The following ACCSL variants were observed in gnomAD, a reference collection of about 807,000 sequenced individuals.
ACCSL encodes 1-aminocyclopropane-1-carboxylate synthase homolog (inactive) like.
A neutral mutation model predicts 61.7 loss-of-function variants in ACCSL; 55 were observed. That is an observed-to-expected ratio of 0.89 (90% CI 0.72 to 1.12). The LOEUF is 1.12. Among genes scored for constraint, ACCSL ranks in the 50% most tolerant of loss-of-function variants. ACCSL has a pLI of 0.00. For missense variants in ACCSL, 632 were observed against 698.0 expected, an observed-to-expected ratio of 0.91 and a Z score of 1.07; for synonymous variants, 258 against 264.3, an observed-to-expected ratio of 0.98 and a Z score of 0.23.
chr11:43,957,367 T>C, the ACCSL span, among the ~76,000 whole-genome samples: 10 of 150,970 alleles, frequency 6.6e-5, no homozygotes, highest in Non-Finnish European at 1.3e-4. Flanking sequence ...TGATTGGTAA[T>C]TGGTTAAAAG....
the ACCSL span, among the ~76,000 whole-genome samples, chr11:43,937,094 T>C: frequency 6.6e-6 from 1 of 151,920 alleles, no homozygotes; most frequent in Non-Finnish European, 1.5e-5. Flanking sequence ...GAATTTGGGG[T>C]CCAGAGGAGC....
In ACCSL at chr11:44,048,047, G is replaced by A. The variant is rs370567159; in HGVS notation, c.11G>A (p.Arg4Gln). MSH[R>Q]SDTLPVPSGQ... ...AAAGATACCCGGAGTATGAGTCATC[G>A]GTCAGACACCCTTCCTGTGCCCTCT... Residue 4 changes from arginine (R) to glutamine (Q), a missense_variant, in exon 1 of 14, where the codon CGG (arginine) becomes CAG (glutamine). Physicochemically the swap from Arg to Gln is conservative, Grantham distance 43. Coordinates refer to ENST00000378832, the MANE Select transcript of ACCSL (RefSeq NM_001031854.2). 2.5e-5 allele frequency: 40 copies of A among 1,608,306 alleles called. 1 individual carries two copies. Among genetic ancestry groups the A allele is most frequent in the Middle Eastern group, 1.6e-4 (1 of 6,064 alleles).
At chr11:44,040,942 C>G in the ACCSL span, among the ~76,000 whole-genome samples, 44 of 152,280 alleles carry the variant, frequency 2.9e-4, no homozygotes, top group African/African-American at 9.9e-4. Flanking sequence ...CCCCTTTCCA[C>G]GTCCTACTCG....
the ACCSL span, chr11:43,942,962 C>T: frequency 6.7e-7 from 1 of 1,485,104 alleles, no homozygotes; most frequent in South Asian, 1.3e-5. Context: ...GGCGGTGATG[C>T]CGCACTTCGT....
At chr11:44,030,084 T>TTTTTTTTTTTTTTTTTTA in the ACCSL span, among the ~76,000 whole-genome samples, 2 of 131,662 alleles carry the variant, frequency 1.5e-5, no homozygotes, top group African/African-American at 2.8e-5. Flanking sequence ...TTTTTTTTTT[T>TTTTTTTTTTTTTTTTTTA]AGTATAAAGG....
At chr11:43,973,427 TA>T in the ACCSL span, among the ~76,000 whole-genome samples, 1 of 141,364 alleles carries the variant, frequency 7.1e-6, no homozygotes, top group Non-Finnish European at 1.5e-5. Flanking sequence ...TCTATCTATC[TA>T]TCTATCTATC....
At position 44,053,509 on chromosome 11, in the gene ACCSL, A is replaced by G; in HGVS notation, c.1049+3A>G. 1 of 1,611,292 alleles carries G rather than the reference A, an allele frequency of 6.2e-7. No homozygotes were observed. Among genetic ancestry groups the G allele is most frequent in the Non-Finnish European group, 8.5e-7 (1 of 1,177,358 alleles). On this transcript the variant is annotated splice_donor_region_variant and intron_variant, in intron 8 of 13. Transcript: ENST00000378832. Reference sequence around the variant, plus strand: ...AAATACCTGGAATTTGCCAAGAGGTATGAGTTCTACCCCTTGAGACTAGGT... The same window carrying G: ...AAATACCTGGAATTTGCCAAGAGGTGTGAGTTCTACCCCTTGAGACTAGGT...
the ACCSL span, among the ~76,000 whole-genome samples, chr11:44,006,243 G>A: frequency 1.3e-5 from 2 of 152,292 alleles, no homozygotes; most frequent in East Asian, 3.9e-4. Context: ...CTTGGAGTCT[G>A]GGTGATCTGG....
the ACCSL span, among the ~76,000 whole-genome samples, chr11:43,976,462 C>T: frequency 2.6e-5 from 4 of 152,172 alleles, no homozygotes; most frequent in South Asian, 6.2e-4. Context: ...AACAAAACTT[C>T]AAAGTCTAAG....
At chr11:43,949,553 G>A in the ACCSL span, among the ~76,000 whole-genome samples, 10 of 152,234 alleles carry the variant, frequency 6.6e-5, no homozygotes, top group Non-Finnish European at 1.0e-4. Context: ...GGTGGCTCAC[G>A]CCTGTAATCC....
At chr11:44,055,902 A>AAGC in intron 9 of ACCSL, 138 bp from the exon 10 acceptor site, 1 of 971,204 alleles carries the variant, frequency 1.0e-6, no homozygotes, top group Non-Finnish European at 1.5e-6. Flanking sequence ...CTTAACTGGG[A>AAGC]CAACTGTTTC....
the ACCSL span, among the ~76,000 whole-genome samples, chr11:43,934,553 AGT>A: frequency 6.6e-6 from 1 of 152,064 alleles, no homozygotes; most frequent in African/African-American, 2.4e-5. Flanking sequence ...GGACCCAAAC[AGT>A]ACCACCTGGA....
the ACCSL span, among the ~76,000 whole-genome samples, chr11:43,975,325 A>G: frequency 1.3e-5 from 2 of 152,236 alleles, no homozygotes; most frequent in African/African-American, 4.8e-5. Context: ...AGTAAGAAAT[A>G]CATTTGAGCA....
the ACCSL span, among the ~76,000 whole-genome samples, chr11:44,001,589 G>A: frequency 6.6e-6 from 1 of 151,988 alleles, no homozygotes; most frequent in African/African-American, 2.4e-5. Flanking sequence ...GTGTCCATCT[G>A]TTAAATGGAG....
chr11:43,942,888 C>A, the ACCSL span: 4 of 1,325,192 alleles, frequency 3.0e-6, no homozygotes, highest in Non-Finnish European at 3.9e-6. Context: ...CCCGGCCCCG[C>A]AGACGCCGGA....
chr11:43,959,916 C>A, the ACCSL span, among the ~76,000 whole-genome samples: 1 of 152,158 alleles, frequency 6.6e-6, no homozygotes, highest in Non-Finnish European at 1.5e-5. Context: ...TCACGCCAGA[C>A]TCAAAATAAC....
chr11:43,987,131 C>G, the ACCSL span, among the ~76,000 whole-genome samples: 2 of 152,194 alleles, frequency 1.3e-5, no homozygotes, highest in Non-Finnish European at 2.9e-5. Context: ...CCTTGACTCC[C>G]CTGTCACTGT....
chr11:44,000,509 G>A, the ACCSL span, among the ~76,000 whole-genome samples: 18 of 144,106 alleles, frequency 1.2e-4, no homozygotes, highest in Non-Finnish European at 1.8e-4. Flanking sequence ...CTGGGTGACC[G>A]AGTGAGACTC....
the ACCSL span, among the ~76,000 whole-genome samples, chr11:44,009,780 T>G: frequency 6.6e-6 from 1 of 151,848 alleles, no homozygotes; most frequent in African/African-American, 2.4e-5. Flanking sequence ...AGTAAATAAA[T>G]AAAATAATAT....
Sources: allele counts gnomAD v4.1 joint callset (sites outside exome capture counted in the v4.1 genomes callset), GRCh38; gene constraint gnomAD v4.1.1; transcripts MANE v1.5; gene names NCBI Gene and HGNC (gene_info 2026-07-23, HGNC 2026-07-21).